Variants in CABP1 observed in about 807,000 individuals in gnomAD.
CABP1 encodes calcium binding protein 1.
A neutral mutation model predicts 34.3 loss-of-function variants in CABP1; 17 were observed. The ratio of observed to expected loss-of-function variants is 0.50; its 90% CI spans 0.34 to 0.74. The LOEUF (loss-of-function observed/expected upper bound fraction) is 0.74. Ranked by LOEUF, CABP1 falls within the 30% of genes least tolerant of loss-of-function variation. The pLI is 0.01. For missense variants in CABP1, 373 were observed against 511.1 expected (o/e 0.73, Z 2.61); for synonymous variants, 198 against 229.2 (o/e 0.86, Z 1.23).
Position 120,665,412 on chromosome 12 carries a change from T to G in CABP1, c.1088-1463T>G, listed in dbSNP as rs568935422. 2.6e-5 allele frequency among the ~76,000 whole-genome samples: 4 copies of G among 151,688 alleles called. No homozygotes were observed. In the South Asian group the frequency reaches 6.3e-4, roughly 24 times the overall value. ...CTGTACTCCAGCCTGGGTGACAAAGTGAGACCCTGTCTCAAAAATAAATAA... is the reference window on the plus strand; with the variant it reads ...CTGTACTCCAGCCTGGGTGACAAAGGGAGACCCTGTCTCAAAAATAAATAA... On this transcript the variant is annotated intron_variant, in intron 5 of 5. Coordinates refer to ENST00000316803, the MANE Select transcript of CABP1 (RefSeq NM_001033677.2).
chr12:120,657,772 A>C (rs1253810405), intron 1 of CABP1, among the ~76,000 whole-genome samples: 4 of 152,190 alleles, frequency 2.6e-5, no homozygotes, highest in Non-Finnish European at 4.4e-5. Context: ...TTGGGTGTAC[A>C]GGAGGAACGG....
chr12:120,660,631 A>G lies in CABP1; in HGVS notation c.830-100A>G. 1 of 829,514 alleles carries G rather than the reference A, an allele frequency of 1.2e-6. No homozygotes were observed. The allele number at this position is 829,514 out of a possible 1,614,324, so 51.4% of individuals were successfully genotyped here. On this transcript the variant is annotated intron_variant, in intron 3 of 5. Transcript: ENST00000316803. The surrounding 1 kb of genome is among the most constrained non-coding windows in gnomAD (Gnocchi z 5.0). Reference sequence around the variant, plus strand: ...TTATTATTAAGTTTGTCTCTATCTGATGAGCAGGTCAAGGAGGGGTTGTCC... The same window carrying G: ...TTATTATTAAGTTTGTCTCTATCTGGTGAGCAGGTCAAGGAGGGGTTGTCC...
In CABP1 at chr12:120,666,936, A is replaced by G; in HGVS notation, c.*36A>G. On this transcript the variant is annotated 3_prime_UTR_variant, in exon 6 of 6. Transcript: ENST00000316803. Reference sequence around the variant, plus strand: ...GCCCCTCCAGGACTGCCAAGCTCCCAAAGGCGGGGCTAAGAGGAGCTAGAG... The same window carrying G: ...GCCCCTCCAGGACTGCCAAGCTCCCGAAGGCGGGGCTAAGAGGAGCTAGAG... 2 of 1,590,558 alleles carry G rather than the reference A, an allele frequency of 1.3e-6. No homozygotes were observed. The highest frequency in any genetic ancestry group is 1.7e-6 in the Non-Finnish European group (2 of 1,173,562).
intron 1 of CABP1, chr12:120,655,853 GCA>G: frequency 6.5e-7 from 1 of 1,526,988 alleles, no homozygotes; most frequent in South Asian, 1.2e-5. Flanking sequence ...GTGTGTGTGC[GCA>G]TGTGCCACAC....
intron 1 of CABP1, chr12:120,650,536 A>C: frequency 6.2e-7 from 1 of 1,601,768 alleles, no homozygotes. Context: ...GCACAGACGG[A>C]GGGAGGCTGG....
At position 120,660,872 on chromosome 12, in the gene CABP1, G is replaced by C; in HGVS notation, c.939+32G>C. On this transcript the variant is annotated intron_variant, in intron 4 of 5. Transcript: ENST00000316803. The surrounding 1 kb of genome is among the most constrained non-coding windows in gnomAD (Gnocchi z 5.0). ...GACAGAGGCAGGCAGGCATGGGGCG[G>C]CTATTGGAATCCTATCTGCAGTATA... The C allele has an allele frequency of 2.0e-6, 3 of 1,522,006 alleles. No individual in the cohort carries two copies. Among genetic ancestry groups the C allele is most frequent in the Non-Finnish European group, 2.7e-6 (3 of 1,096,208 alleles). 94.3% of individuals were successfully genotyped at this position (1,522,006 alleles called of 1,614,324 possible). A position where few individuals can be genotyped will look rare whatever the true frequency, so the allele number is the denominator to read the frequency against.
At chr12:120,670,142 A>G (rs1439805347), downstream of CABP1, among the ~76,000 whole-genome samples, 2 of 152,048 alleles carry the variant, frequency 1.3e-5, no homozygotes, top group Non-Finnish European at 1.5e-5. Flanking sequence ...AACTAGGACT[A>G]CAGATGCACA....
Position 120,667,268 on chromosome 12 carries a change from T to C in CABP1, c.*368T>C. ...GCCTCCCACCTTCGCTCTGCGCCCG[T>C]CCCAGCTCGCCTCAGCCCTGTTATC... is the stretch of plus-strand genomic sequence containing the variant. On this transcript the variant is annotated 3_prime_UTR_variant, in exon 6 of 6. Transcript: ENST00000316803. 1 of 388,654 alleles carries C rather than the reference T, an allele frequency of 2.6e-6. No homozygotes were observed. The highest frequency in any genetic ancestry group is 3.4e-5 in the South Asian group (1 of 29,842). 24.1% of individuals were successfully genotyped at this position (388,654 alleles called of 1,614,324 possible). A position where few individuals can be genotyped will look rare whatever the true frequency, so the allele number is the denominator to read the frequency against.
chr12:120,668,469 A>T (rs146307097), downstream of CABP1, among the ~76,000 whole-genome samples: 1 of 152,192 alleles, frequency 6.6e-6, no homozygotes, highest in African/African-American at 2.4e-5. Flanking sequence ...GTCTAAAAAA[A>T]GAAAGAAATA....
chr12:120,669,013 G>A (rs1881153986), downstream of CABP1, among the ~76,000 whole-genome samples: 1 of 152,150 alleles, frequency 6.6e-6, no homozygotes, highest in South Asian at 2.1e-4. Flanking sequence ...GCCAGTCCAT[G>A]GACAACAACC....
chr12:120,650,575 T>C (rs904931425), intron 1 of CABP1: 17 of 1,612,190 alleles, frequency 1.1e-5, no homozygotes, highest in African/African-American at 1.3e-5. Flanking sequence ...CGGAAGTCCC[T>C]CAGTCCCCCA....
At chr12:120,649,244 A>C (rs1450222989) in intron 1 of CABP1, among the ~76,000 whole-genome samples, 1 of 152,186 alleles carries the variant, frequency 6.6e-6, no homozygotes, top group South Asian at 2.1e-4. Context: ...TCTTCCTAAC[A>C]GGAGTTCTGA....
At chr12:120,647,560 CTTTTTT>C (rs10557275) in intron 1 of CABP1, among the ~76,000 whole-genome samples, 22,905 of 74,666 alleles carry the variant, frequency 0.31, 1,906 homozygotes, top group East Asian at 0.36. Flanking sequence ...CAGTCCAAGC[CTTTTTT>C]TTTTTTTTTT....
downstream of CABP1, among the ~76,000 whole-genome samples, chr12:120,668,412 G>A (rs538620110): frequency 6.6e-6 from 1 of 152,326 alleles, no homozygotes; most frequent in Non-Finnish European, 1.5e-5. Flanking sequence ...GGAGGTGGAG[G>A]CTGCAGTGGG....
chr12:120,655,641 G>A (rs1880132547), intron 1 of CABP1: 11 of 1,402,732 alleles, frequency 7.8e-6, no homozygotes, highest in Non-Finnish European at 1.0e-5. Context: ...TTTGGGAGCT[G>A]GGAGGAATGA....
At chr12:120,666,641 G>A (rs940718085) in intron 5 of CABP1, among the ~76,000 whole-genome samples, 1 of 152,172 alleles carries the variant, frequency 6.6e-6, no homozygotes, top group Non-Finnish European at 1.5e-5. Flanking sequence ...CCATGAGGCT[G>A]TGTCAGGATA....
rs372471603 is a variant in CABP1, at chr12:120,653,510, AGTTTTGTTTT to A, written c.655-6352_655-6343del. The stretch of plus-strand genomic sequence containing the variant: ...GCCAGCAGGCTAAACTGCCTTTTAA[AGTTTTGTTTT>A]GTTTTGTTTTGTTTTTTGTTTTTTT... On this transcript the variant is annotated intron_variant, in intron 1 of 5. Transcript: ENST00000316803. Among the ~76,000 whole-genome samples the A allele has an allele frequency of 4.7e-4, 72 of 152,130 alleles. No individual in the cohort carries two copies. The East Asian group carries it at 8.7e-3, about 18-fold the overall frequency.
At chr12:120,654,433 C>T (rs1175413013) in intron 1 of CABP1, among the ~76,000 whole-genome samples, 1 of 152,166 alleles carries the variant, frequency 6.6e-6, no homozygotes, top group Non-Finnish European at 1.5e-5. Context: ...CAGGCTGCCC[C>T]TGGGTCTTGG....
intron 5 of CABP1, among the ~76,000 whole-genome samples, chr12:120,665,960 G>A (rs1474949279): frequency 6.6e-6 from 1 of 150,486 alleles, no homozygotes; most frequent in Non-Finnish European, 1.5e-5. Context: ...AGAGCTTGCA[G>A]TGAGCCAAGA....
Sources: allele counts gnomAD v4.1 joint callset (sites outside exome capture counted in the v4.1 genomes callset), GRCh38; gene constraint gnomAD v4.1.1; non-coding constraint Gnocchi (gnomAD v3.1); transcripts MANE v1.5; gene names NCBI Gene and HGNC (gene_info 2026-07-23, HGNC 2026-07-21).